The following MEGF11 variants were observed in gnomAD, a reference collection of about 807,000 sequenced individuals.
The protein encoded by MEGF11 is multiple EGF like domains 11.
MEGF11 carries 126 observed loss-of-function variants against 146.6 expected under a neutral mutation model. The observed-to-expected ratio is 0.86, with a 90% CI of 0.74 to 1.00. The LOEUF is 1.00. Among genes scored for constraint, MEGF11 ranks in the 50% least tolerant of loss-of-function variants. The pLI, the probability that MEGF11 is intolerant of heterozygous loss-of-function variation, is 0.00. For missense variants in MEGF11, 1,509 were observed against 1,521.2 expected (o/e 0.99, Z 0.13); for synonymous variants, 532 against 583.4 (o/e 0.91, Z 1.27).
At chr15:66,246,588 AG>A (rs1431148089) in intron 1 of MEGF11, among the ~76,000 whole-genome samples, 1 of 151,998 alleles carries the variant, frequency 6.6e-6, no homozygotes, top group Non-Finnish European at 1.5e-5. Flanking sequence ...GCATTGCTTG[AG>A]CCCAGGAGTT....
At chr15:66,003,001 T>C (rs999044787) in intron 5 of MEGF11, among the ~76,000 whole-genome samples, 7 of 152,010 alleles carry the variant, frequency 4.6e-5, no homozygotes, top group East Asian at 3.8e-4. Flanking sequence ...TTTTTCTTTT[T>C]TTTTTTTGAG....
At chr15:66,027,693 G>T (rs1349005056) in intron 5 of MEGF11, among the ~76,000 whole-genome samples, 3 of 152,158 alleles carry the variant, frequency 2.0e-5, no homozygotes, top group Admixed American at 1.3e-4. Context: ...GGTGGGGGTG[G>T]CAAGAATCTA....
chr15:65,955,760 AAATAT>A (rs1477418398), intron 10 of MEGF11, among the ~76,000 whole-genome samples: 1 of 17,906 alleles, frequency 5.6e-5, no homozygotes, highest in African/African-American at 1.4e-4. Context: ...AAAAAAAAAA[AAATAT>A]ATATATATAT....
At chr15:66,081,943 CACG>C (rs2085874421) in intron 5 of MEGF11, among the ~76,000 whole-genome samples, 1 of 152,270 alleles carries the variant, frequency 6.6e-6, no homozygotes, top group African/African-American at 2.4e-5. Flanking sequence ...ACATGAGGGA[CACG>C]ACCCCCTTCT....
chr15:66,009,724 C>T (rs922606796), intron 5 of MEGF11, among the ~76,000 whole-genome samples: 14 of 151,958 alleles, frequency 9.2e-5, no homozygotes, highest in African/African-American at 3.4e-4. Flanking sequence ...TCCCGAGTAG[C>T]TGGGACTACA....
chr15:65,951,819 T>C (rs2080413128), intron 10 of MEGF11, among the ~76,000 whole-genome samples: 1 of 151,956 alleles, frequency 6.6e-6, no homozygotes, highest in African/African-American at 2.4e-5. Context: ...GGCAACATAG[T>C]GAGACTCCAT....
At chr15:66,198,508 C>T (rs536917161) in intron 1 of MEGF11, among the ~76,000 whole-genome samples, 66 of 152,254 alleles carry the variant, frequency 4.3e-4, no homozygotes, top group African/African-American at 1.3e-3. Context: ...GTTTTTGAGA[C>T]GGAGTCTCAC....
chr15:66,233,498 A>G (rs957004340), intron 1 of MEGF11, among the ~76,000 whole-genome samples: 1 of 152,172 alleles, frequency 6.6e-6, no homozygotes, highest in African/African-American at 2.4e-5. Context: ...AGTGTCCCCT[A>G]GTGCTGGGAT....
At chr15:66,071,510 G>A (rs1361161993) in intron 5 of MEGF11, among the ~76,000 whole-genome samples, 2 of 152,238 alleles carry the variant, frequency 1.3e-5, no homozygotes, top group Non-Finnish European at 2.9e-5. Flanking sequence ...AAATTGTATT[G>A]AATTATGAAA....
chr15:66,079,166 G>A (rs111266288), intron 5 of MEGF11, among the ~76,000 whole-genome samples: 7 of 152,242 alleles, frequency 4.6e-5, no homozygotes, highest in East Asian at 1.9e-4. Flanking sequence ...GCCCCACACC[G>A]CCTCCTGCCC....
chr15:65,981,487 C>CT (rs2081637182), intron 6 of MEGF11, among the ~76,000 whole-genome samples: 1 of 152,104 alleles, frequency 6.6e-6, no homozygotes, highest in Non-Finnish European at 1.5e-5. Context: ...GCCTCTAGCT[C>CT]ACTAGGACTT....
intron 4 of MEGF11, among the ~76,000 whole-genome samples, chr15:66,113,091 T>G (rs2087519747): frequency 3.3e-5 from 5 of 152,142 alleles, no homozygotes; most frequent in Admixed American, 3.3e-4. Context: ...GAATTAAATC[T>G]TACACTGCCT....
At chr15:66,136,385 C>T (rs114220864) in intron 1 of MEGF11, among the ~76,000 whole-genome samples, 45 of 152,264 alleles carry the variant, frequency 3.0e-4, no homozygotes, top group African/African-American at 1.0e-3. Context: ...GTCTCTCCCG[C>T]CACACCTCAG....
chr15:66,056,578 G>C (rs1205758414), intron 5 of MEGF11, among the ~76,000 whole-genome samples: 1 of 152,148 alleles, frequency 6.6e-6, no homozygotes, highest in Admixed American at 6.5e-5. Flanking sequence ...TTCGTCTTTT[G>C]AGAAGAAAGG....
At chr15:65,984,560 G>T (rs1198097654) in intron 5 of MEGF11, among the ~76,000 whole-genome samples, 1 of 135,984 alleles carries the variant, frequency 7.4e-6, no homozygotes, top group Non-Finnish European at 1.6e-5. Flanking sequence ...AGGCTCACAG[G>T]ACAGAGAGTG....
At chr15:65,933,549 C>T (rs1482924491) in intron 10 of MEGF11, among the ~76,000 whole-genome samples, 1 of 152,242 alleles carries the variant, frequency 6.6e-6, no homozygotes, top group African/African-American at 2.4e-5. Context: ...GTGTCAGTTT[C>T]CTCCCAGAGA....
At chr15:65,900,811 C>T (rs1410793713) in intron 24 of MEGF11, among the ~76,000 whole-genome samples, 1 of 152,148 alleles carries the variant, frequency 6.6e-6, no homozygotes, top group Non-Finnish European at 1.5e-5. Flanking sequence ...AAGATTGTGG[C>T]CTCTTTAGCA....
intron 1 of MEGF11, among the ~76,000 whole-genome samples, chr15:66,163,221 C>T (rs926365455): frequency 1.2e-4 from 18 of 152,288 alleles, no homozygotes; most frequent in African/African-American, 4.3e-4. Flanking sequence ...TATTCAGCCA[C>T]CACAGTATGT....
intron 13 of MEGF11, among the ~76,000 whole-genome samples, chr15:65,928,189 T>G (rs577581051): frequency 1.3e-5 from 2 of 152,328 alleles, no homozygotes; most frequent in African/African-American, 4.8e-5. Flanking sequence ...ATGTCAGCTT[T>G]TGACCTACTG....
Sources: gnomAD v4.1 joint callset for allele counts (sites outside exome capture counted in the v4.1 genomes callset) on GRCh38, gnomAD v4.1.1 for gene constraint, MANE v1.5 for transcripts, NCBI Gene and HGNC (gene_info 2026-07-23, HGNC 2026-07-21) for gene names.